The following DUSP15 variants were observed in gnomAD, a reference collection of about 807,000 sequenced individuals.
The protein encoded by DUSP15 is dual specificity protein phosphatase 15.
A neutral mutation model predicts 26.3 loss-of-function variants in DUSP15; 23 were observed. That is an observed-to-expected ratio of 0.87 (90% CI 0.63 to 1.24). DUSP15 has a LOEUF of 1.24. Ranked by LOEUF, DUSP15 falls within the 50% of genes most tolerant of loss-of-function variation. The probability of loss-of-function intolerance (pLI) is 0.00; values close to 1 mark genes in which losing one functional copy is unlikely to be tolerated. For synonymous variants in DUSP15, 143 were observed against 135.5 expected (o/e 1.06, Z -0.39); for missense variants, 364 against 320.6 (o/e 1.14, Z -1.03).
chr20:31,867,935 G>A (rs1381814443), intron 2 of DUSP15, among the ~76,000 whole-genome samples: 2 of 152,194 alleles, frequency 1.3e-5, no homozygotes, highest in Non-Finnish European at 2.9e-5. Context: ...GTGAGCCATC[G>A]TGCCCGGCTG....
rs758427395 is a variant in DUSP15, at chr20:31,861,365, G to A, written c.*38C>T. The A allele has an allele frequency of 6.7e-7, 1 of 1,492,314 alleles. No homozygotes were observed. The highest frequency in any genetic ancestry group is 2.7e-5 in the East Asian group (1 of 36,794). The allele number at this position is 1,492,314 out of a possible 1,614,324, so 92.4% of individuals were successfully genotyped here. On this transcript the variant is annotated 3_prime_UTR_variant, in exon 7 of 7. Coordinates refer to ENST00000339738, the MANE Select transcript of DUSP15 (RefSeq NM_080611.5). ...AAGGCGCAGACAGCCCCCGAAGGGA[G>A]CCAGTCGGAAGTGGGGAGCCACGGC... is the stretch of plus-strand genomic sequence containing the variant.
chr20:31,845,894 A>G (rs945405847), downstream of DUSP15, among the ~76,000 whole-genome samples: 2 of 152,158 alleles, frequency 1.3e-5, no homozygotes, highest in African/African-American at 4.8e-5. Context: ...AAACAAAATG[A>G]GACAGAGGCA....
At chr20:31,869,637 G>A (rs910888380) in intron 1 of DUSP15, 40 bp from the exon 2 acceptor site, 3 of 1,610,994 alleles carry the variant, frequency 1.9e-6, no homozygotes, top group East Asian at 2.2e-5. Flanking sequence ...GGCAGGGGCT[G>A]CACCCCCTTC....
chr20:31,857,120 T>G (rs1314380225), downstream of DUSP15, among the ~76,000 whole-genome samples: 1 of 151,832 alleles, frequency 6.6e-6, no homozygotes, highest in East Asian at 1.9e-4. Context: ...ACTCTCCAGG[T>G]GCTTCCCACT....
intron 7 of DUSP15, among the ~76,000 whole-genome samples, chr20:31,850,199 A>G (rs1306475212): frequency 6.6e-6 from 1 of 152,214 alleles, no homozygotes; most frequent in Non-Finnish European, 1.5e-5. Flanking sequence ...AGGTAGAAAT[A>G]ACCATAACAG....
chr20:31,862,815 G>A, intron 5 of DUSP15, 73 bp from the exon 6 acceptor site: 2 of 1,434,526 alleles, frequency 1.4e-6, no homozygotes, highest in East Asian at 2.5e-5. Flanking sequence ...ACCCCACCCT[G>A]CTTCAACTCC....
intron 9 of DUSP15, chr20:31,848,605 T>C: frequency 6.6e-7 from 1 of 1,517,328 alleles, no homozygotes. Flanking sequence ...CCCTCTCCAT[T>C]TCCCGCCTCG....
chr20:31,852,262 G>C (rs568881062), intron 6 of DUSP15, among the ~76,000 whole-genome samples: 10 of 152,204 alleles, frequency 6.6e-5, no homozygotes, highest in Admixed American at 2.0e-4. Context: ...ACCTGTCTCC[G>C]ACTCCCAAAC....
chr20:31,850,813 G>A, intron 6 of DUSP15: 2 of 895,138 alleles, frequency 2.2e-6, no homozygotes, highest in Non-Finnish European at 3.6e-6. Flanking sequence ...GCCTGGAGGA[G>A]GATGGGTGGT....
chr20:31,863,086 G>C (rs866037967), intron 5 of DUSP15, among the ~76,000 whole-genome samples: 1 of 131,158 alleles, frequency 7.6e-6, no homozygotes, highest in African/African-American at 2.9e-5. Context: ...GGGGGGGGGG[G>C]ACAGACGTTG....
downstream of DUSP15, among the ~76,000 whole-genome samples, chr20:31,846,271 G>C (rs906218126): frequency 5.1e-5 from 6 of 117,976 alleles, no homozygotes; most frequent in Non-Finnish European, 6.7e-5. Context: ...TACACACACA[G>C]AAACACAGAG....
At chr20:31,850,557 C>A in intron 7 of DUSP15, 3 of 1,554,774 alleles carry the variant, frequency 1.9e-6, no homozygotes, top group South Asian at 1.2e-5. Context: ...CCCCACCCCG[C>A]GGCCGTCCCC....
chr20:31,867,005 G>T, intron 3 of DUSP15, 66 bp downstream of exon 3: 2 of 1,427,606 alleles, frequency 1.4e-6, no homozygotes, highest in Non-Finnish European at 1.9e-6. Flanking sequence ...GCACATAGTA[G>T]ATATTTGATA....
At chr20:31,848,432 C>G in exon 10 of DUSP15, 1 of 1,611,752 alleles carries the variant, frequency 6.2e-7, no homozygotes, top group Non-Finnish European at 8.5e-7. Flanking sequence ...GGAAGCGGCT[C>G]GCTTAGGATG....
Position 31,861,509 on chromosome 20 carries a change from A to G in DUSP15, c.602T>C (p.Val201Ala). The G allele has an allele frequency of 6.5e-7, 1 of 1,528,794 alleles. No homozygotes were observed. The highest frequency in any genetic ancestry group is 8.7e-7 in the Non-Finnish European group (1 of 1,146,948). 94.7% of individuals were successfully genotyped at this position (1,528,794 alleles called of 1,614,324 possible). ...AASEGTVQRLVPRTPREAHRP... is the reference protein window; with the variant it reads ...AASEGTVQRLAPRTPREAHRP... ...GTGGGCTTCCCGGGGCGTGCGCGGC[A>G]CCAGGCGCTGCACGGTTCCCTCGGA... Residue 201 changes from valine to alanine, a missense_variant, in exon 7 of 7, where the codon GTG becomes GCG. Val to Ala is a moderately conservative substitution (Grantham distance 64). Transcript: ENST00000339738.
exon 10 of DUSP15, chr20:31,848,022 A>T (rs908454870): frequency 5.7e-6 from 1 of 175,512 alleles, no homozygotes; most frequent in East Asian, 1.7e-4. Context: ...CCCACACTAA[A>T]CAACCCTGAT....
intron 8 of DUSP15, chr20:31,849,005 G>T: frequency 1.1e-6 from 1 of 930,520 alleles, no homozygotes; most frequent in African/African-American, 1.7e-5. Flanking sequence ...CCATGCCCAA[G>T]TCCTGTAAGC....
At chr20:31,848,074 G>A (rs1299957548) in exon 10 of DUSP15, 1 of 280,438 alleles carries the variant, frequency 3.6e-6, no homozygotes, top group Non-Finnish European at 6.6e-6. Flanking sequence ...CGTTTTAATG[G>A]ACTCAACAGC....
chr20:31,869,664 G>T, intron 1 of DUSP15, 67 bp from the exon 2 acceptor site: 1 of 1,589,920 alleles, frequency 6.3e-7, no homozygotes, highest in Non-Finnish European at 8.6e-7. Context: ...CAGGGCAGCT[G>T]GGGGGCCCAC....
Sources: gnomAD v4.1 joint callset for allele counts (sites outside exome capture counted in the v4.1 genomes callset) on GRCh38, gnomAD v4.1.1 for gene constraint, MANE v1.5 for transcripts, NCBI Gene and HGNC (gene_info 2026-07-23, HGNC 2026-07-21) for gene names.